The following SEC24B variants were observed in gnomAD, a reference collection of about 807,000 sequenced individuals.
The protein encoded by SEC24B is SEC24 homolog B, COPII component.
Under a neutral mutation model 142.8 loss-of-function variants are expected in SEC24B, and 45 were observed. That is an observed-to-expected ratio of 0.32 (90% CI 0.25 to 0.40). The LOEUF (loss-of-function observed/expected upper bound fraction) is 0.40. SEC24B is among the 10% of genes least tolerant of loss of function. SEC24B has a pLI of 1.00. For synonymous variants in SEC24B, 574 were observed against 568.2 expected (o/e 1.01, Z -0.15); for missense variants, 1,409 against 1,526.8 (o/e 0.92, Z 1.29).
At chr4:109,471,384 A>G (rs898946013) in intron 2 of SEC24B, among the ~76,000 whole-genome samples, 5 of 152,158 alleles carry the variant, frequency 3.3e-5, no homozygotes, top group African/African-American at 1.2e-4. Context: ...GGCTCAAGCA[A>G]TCTGCCCACC....
At chr4:109,441,724 T>G (rs1728946754) in intron 1 of SEC24B, among the ~76,000 whole-genome samples, 1 of 152,222 alleles carries the variant, frequency 6.6e-6, no homozygotes, top group African/African-American at 2.4e-5. Context: ...GGTTGTCTTT[T>G]GGCCCCTCAC....
intron 14 of SEC24B, among the ~76,000 whole-genome samples, chr4:109,522,143 C>T (rs756642083): frequency 9.9e-5 from 15 of 151,772 alleles, no homozygotes; most frequent in African/African-American, 3.4e-4. Flanking sequence ...GCTCTGCCTT[C>T]GGGTTCACGC....
intron 4 of SEC24B, among the ~76,000 whole-genome samples, chr4:109,487,554 G>C (rs561800978): frequency 6.6e-6 from 1 of 152,304 alleles, no homozygotes; most frequent in Non-Finnish European, 1.5e-5. Flanking sequence ...AGTAAAGGCT[G>C]TTTCTAAGCA....
intron 1 of SEC24B, among the ~76,000 whole-genome samples, chr4:109,458,513 T>G (rs944580306): frequency 3.3e-5 from 5 of 152,136 alleles, no homozygotes; most frequent in Non-Finnish European, 7.4e-5. Flanking sequence ...GTAAAGTGAA[T>G]GAACACAAAA....
chr4:109,520,730 AGCCTGTAATACCAGCACTT>A (rs1723515291), intron 12 of SEC24B, among the ~76,000 whole-genome samples: 1 of 152,122 alleles, frequency 6.6e-6, no homozygotes, highest in Non-Finnish European at 1.5e-5. Flanking sequence ...CAGTGGCTGA[AGCCTGTAATACCAGCACTT>A]TGGGAGGCTG....
chr4:109,520,865 G>A (rs778038329), intron 12 of SEC24B, among the ~76,000 whole-genome samples: 5 of 152,184 alleles, frequency 3.3e-5, no homozygotes, highest in South Asian at 2.1e-4. Context: ...TGTGGCGCAT[G>A]CCTGTAATCC....
intron 1 of SEC24B, among the ~76,000 whole-genome samples, chr4:109,456,909 C>A (rs568039126): frequency 3.9e-5 from 6 of 152,300 alleles, no homozygotes; most frequent in African/African-American, 1.4e-4. Flanking sequence ...CAGAGACCAT[C>A]ATTTTTAATC....
chr4:109,485,515 GT>G (rs1734267046), intron 4 of SEC24B, among the ~76,000 whole-genome samples: 1 of 151,970 alleles, frequency 6.6e-6, no homozygotes, highest in South Asian at 2.1e-4. Flanking sequence ...TTACTCCTGT[GT>G]TTTTTTCTAC....
intron 12 of SEC24B, 100 bp from the exon 13 acceptor site, chr4:109,521,017 A>C: frequency 2.7e-6 from 2 of 739,532 alleles, no homozygotes; most frequent in Admixed American, 5.6e-5. Context: ...AATAAAGCAA[A>C]ATTATAGTAC....
intron 18 of SEC24B, among the ~76,000 whole-genome samples, chr4:109,528,715 A>T (rs1462946314): frequency 2.6e-5 from 4 of 151,976 alleles, no homozygotes; most frequent in Non-Finnish European, 5.9e-5. Context: ...ATAGCACTTA[A>T]ATGTTTTCAA....
At chr4:109,518,163 T>C (rs1351027623) in intron 11 of SEC24B, among the ~76,000 whole-genome samples, 2 of 152,040 alleles carry the variant, frequency 1.3e-5, no homozygotes, top group Non-Finnish European at 2.9e-5. Context: ...ACATTAGTAA[T>C]GAGCTGGATT....
chr4:109,472,289 G>A (rs1400345792), intron 2 of SEC24B, among the ~76,000 whole-genome samples: 3 of 152,080 alleles, frequency 2.0e-5, no homozygotes, highest in Non-Finnish European at 4.4e-5. Context: ...TCTCTTGGTT[G>A]GATAATCTTG....
At chr4:109,466,553 G>T (rs1275182505) in intron 2 of SEC24B, among the ~76,000 whole-genome samples, 1 of 152,112 alleles carries the variant, frequency 6.6e-6, no homozygotes, top group South Asian at 2.1e-4. Context: ...TGGGACTAGC[G>T]GCACCCGCCA....
At chr4:109,444,298 A>G (rs1390168973) in intron 1 of SEC24B, among the ~76,000 whole-genome samples, 1 of 151,914 alleles carries the variant, frequency 6.6e-6, no homozygotes, top group Non-Finnish European at 1.5e-5. Context: ...TAAGAAGTTT[A>G]GACTTCATTT....
chr4:109,538,719 G>A, intron 23 of SEC24B, 123 bp downstream of exon 23: 1 of 608,568 alleles, frequency 1.6e-6, no homozygotes, highest in Non-Finnish European at 3.0e-6. Flanking sequence ...GTTGTTACTT[G>A]ATTTAAATCC....
At chr4:109,466,548 C>T (rs1578815870) in intron 2 of SEC24B, among the ~76,000 whole-genome samples, 1 of 152,158 alleles carries the variant, frequency 6.6e-6, no homozygotes, top group African/African-American at 2.4e-5. Flanking sequence ...GTAGCTGGGA[C>T]TAGCGGCACC....
In SEC24B at chr4:109,525,478, C is replaced by T. The variant is rs761531408; in HGVS notation, c.2765C>T (p.Ala922Val). 1 of 1,610,360 alleles carries T rather than the reference C, an allele frequency of 6.2e-7. No homozygotes were observed. The highest frequency in any genetic ancestry group is 8.5e-7 in the Non-Finnish European group (1 of 1,178,128). Residue 922 changes from alanine (A) to valine (V), a missense_variant, in exon 16 of 24, where the codon GCT (alanine) becomes GTT (valine). Ala to Val is a moderately conservative substitution (Grantham distance 64). Coordinates refer to ENST00000265175, the MANE Select transcript of SEC24B (RefSeq NM_006323.5). ...RYLTRKIGFE[A>V]VMRIRCTKGL... ...CTCACAAGAAAAATTGGGTTTGAAG[C>T]TGTTATGAGAATAAGGTGTACTAAA...
At chr4:109,526,120 T>C (rs2126083230) in intron 16 of SEC24B, 106 bp from the exon 17 acceptor site, 2 of 1,083,316 alleles carry the variant, frequency 1.8e-6, no homozygotes, top group Non-Finnish European at 2.7e-6. Context: ...TCCCCAGTTA[T>C]CCTTTTGATT....
intron 3 of SEC24B, among the ~76,000 whole-genome samples, chr4:109,476,310 T>G (rs908024847): frequency 2.0e-5 from 3 of 152,274 alleles, no homozygotes; most frequent in Admixed American, 1.3e-4. Context: ...TTATTGTTGG[T>G]ATAAAATTGG....
Sources: allele counts gnomAD v4.1 joint callset (sites outside exome capture counted in the v4.1 genomes callset), GRCh38; gene constraint gnomAD v4.1.1; transcripts MANE v1.5; gene names NCBI Gene and HGNC (gene_info 2026-07-23, HGNC 2026-07-21).